AHNAK: variants seen among roughly 807,000 people sequenced by gnomAD.
AHNAK encodes the protein neuroblast differentiation-associated protein AHNAK.
In AHNAK, 23 loss-of-function variants were observed where a neutral mutation model predicts 37.8. That is an observed-to-expected ratio of 0.61 (90% CI 0.44 to 0.86). The LOEUF (loss-of-function observed/expected upper bound fraction) is 0.86, where lower values mean the gene tolerates loss of function less well. Ranked by LOEUF, AHNAK falls within the 40% of genes least tolerant of loss-of-function variation. The probability of loss-of-function intolerance (pLI) is 0.00; values close to 1 mark genes in which losing one functional copy is unlikely to be tolerated. For missense variants in AHNAK, 7,411 were observed against 7,319.4 expected, an observed-to-expected ratio of 1.01 and a Z score of -0.46; for synonymous variants, 2,481 against 2,636.3, an observed-to-expected ratio of 0.94 and a Z score of 1.80.
In AHNAK at chr11:62,519,607, A is replaced by G; in HGVS notation, c.14810T>C (p.Leu4937Ser). The change falls in exon 5 of 5, where the codon TTA becomes TCA. Residue 4937 changes from leucine to serine, a missense_variant. By Grantham distance (145) the Leu-to-Ser change is moderately radical. Transcript: ENST00000378024. ...CTTGAGGTCCACTTCACCACCTTCT[A>G]ACTTCGGACCTGAAAATCCAATTTT... ...APKIGFSGPK[L>S]EGGEVDLKGP... is the part of the protein sequence containing the mutation. 2 of 1,613,716 alleles carry G rather than the reference A, an allele frequency of 1.2e-6. No individual in the cohort carries two copies. The highest frequency in any genetic ancestry group is 1.7e-6 in the Non-Finnish European group (2 of 1,179,884).
chr11:62,469,810 A>C (rs1938993605), intron 5 of AHNAK, among the ~76,000 whole-genome samples: 1 of 152,190 alleles, frequency 6.6e-6, no homozygotes, highest in Non-Finnish European at 1.5e-5. Context: ...GCAATAGGTA[A>C]TTCCACCAGG....
rs1168587867 is a variant in AHNAK, at chr11:62,528,917, G to A, written c.5500C>T (p.Pro1834Ser). ...TTGGGCCCTTTCAACTTTGCATCAG[G>A]ACACTCCAGATCAACATCGGGCACC... ...AEVPDVDLEC[P>S]DAKLKGPKFK... is the part of the protein sequence containing the mutation. Residue 1834 changes from proline to serine, a missense_variant, in exon 5 of 5, where the codon CCT becomes TCT. Pro to Ser is a moderately conservative substitution (Grantham distance 74). Transcript: ENST00000378024. 6 of 1,614,002 alleles carry A rather than the reference G, an allele frequency of 3.7e-6. No homozygotes were observed. Among genetic ancestry groups the A allele is most frequent in the Non-Finnish European group, 5.1e-6 (6 of 1,180,034 alleles).
At chr11:62,485,628 G>T (rs1438547831) in intron 5 of AHNAK, among the ~76,000 whole-genome samples, 2 of 150,840 alleles carry the variant, frequency 1.3e-5, no homozygotes, top group Non-Finnish European at 2.9e-5. Context: ...CTCAAACCTG[G>T]GAGGCAGAGG....
At chr11:62,470,274 T>TC (rs1174193661) in intron 5 of AHNAK, among the ~76,000 whole-genome samples, 1 of 152,148 alleles carries the variant, frequency 6.6e-6, no homozygotes, top group African/African-American at 2.4e-5. Flanking sequence ...GGTGAAACTC[T>TC]GTCTCTACTA....
At position 62,521,669 on chromosome 11, in the gene AHNAK, T is replaced by C. The variant is rs777401385; in HGVS notation, c.12748A>G (p.Met4250Val). ...GAGATCTTGGGGGCTTTGATGTTCA[T>C]CTCAGGCATCTTGAATTTAGGGCCC... ...LKGPKFKMPE[M>V]NIKAPKISMP... Residue 4250 changes from methionine to valine, a missense_variant, in exon 5 of 5, where the codon ATG becomes GTG. Met to Val is a conservative substitution (Grantham distance 21). Transcript: ENST00000378024. 1.5e-5 allele frequency: 25 copies of C among 1,613,774 alleles called. No homozygotes were observed. The Admixed American group carries it at 1.8e-4, about 12-fold the overall frequency.
At position 62,530,175 on chromosome 11, in the gene AHNAK, T is replaced by C; in HGVS notation, c.4242A>G (p.Ser1414=). Residue 1414 remains serine (S), a synonymous_variant, in exon 5 of 5, where the codon TCA becomes TCG. Transcript: ENST00000378024. ...GAACTTCAGCATCCATTTTGGGTCC[T>C]GAGACATCAACGTCAGCTTTGGGCA... ...VKLPKADVDV[S]GPKMDAEVPD... is the part of the protein sequence containing the mutation. The C allele has an allele frequency of 6.2e-7, 1 of 1,613,722 alleles. No individual in the cohort carries two copies. Among genetic ancestry groups the C allele is most frequent in the Non-Finnish European group, 8.5e-7 (1 of 1,179,942 alleles).
Position 62,532,366 on chromosome 11 carries a change from T to C in AHNAK, c.2051A>G (p.Asp684Gly). Residue 684 changes from aspartate (D) to glycine (G), a missense_variant, in exon 5 of 5, where the codon GAT becomes GGT. Asp to Gly is a moderately conservative substitution (Grantham distance 94). Transcript: ENST00000378024. ...EGLGGKLKGP[D>G]VKLPDMSVKT... ...GACACTCATATCAGGCAGCTTAACA[T>C]CGGGGCCTTTAAGTTTTCCCCCCAG... The C allele has an allele frequency of 6.2e-7, 1 of 1,614,162 alleles. No homozygotes were observed. The highest frequency in any genetic ancestry group is 8.5e-7 in the Non-Finnish European group (1 of 1,180,024).
intron 1 of AHNAK, among the ~76,000 whole-genome samples, chr11:62,538,940 C>T (rs1337979945): frequency 1.3e-5 from 2 of 152,222 alleles, no homozygotes; most frequent in East Asian, 1.9e-4. Context: ...GATCACAACA[C>T]GGATGAAAGA....
intron 5 of AHNAK, among the ~76,000 whole-genome samples, chr11:62,476,513 G>A (rs569352864): frequency 6.6e-6 from 1 of 152,268 alleles, no homozygotes; most frequent in African/African-American, 2.4e-5. Context: ...AAACCTACAC[G>A]AGAAGTTCCC....
intron 5 of AHNAK, among the ~76,000 whole-genome samples, chr11:62,484,293 G>A (rs1939344371): frequency 6.6e-6 from 1 of 152,102 alleles, no homozygotes; most frequent in Admixed American, 6.6e-5. Context: ...GGCTGAGGCA[G>A]GAGGATCACT....
In AHNAK at chr11:62,535,362, G is replaced by C. The variant is rs374657172; in HGVS notation, c.155-172C>G. ...AACTGAGGCTTAGAAAGGCCAATTT[G>C]TGGGGGCCAGGTGCAGTGGCTCACA... On this transcript the variant is annotated intron_variant, in intron 3 of 4. Coordinates refer to ENST00000378024, the MANE Select transcript of AHNAK (RefSeq NM_001620.3). Among the ~76,000 whole-genome samples the C allele has an allele frequency of 2.3e-4, 35 of 152,248 alleles. 1 individual carries two copies. In the East Asian group the frequency reaches 5.6e-3, roughly 24 times the overall value.
chr11:62,517,742 T>C lies in AHNAK; in HGVS notation c.16675A>G (p.Ile5559Val). 6.2e-7 allele frequency: 1 copy of C among 1,614,200 alleles called. No homozygotes were observed. The change falls in exon 5 of 5, where the codon ATC (isoleucine) becomes GTC (valine). Residue 5559 changes from isoleucine (I) to valine (V), a missense_variant. Transcript: ENST00000378024. Reference protein sequence around the residue: ...NMASPESDFGINLKGPKIKGG... With the variant: ...NMASPESDFGVNLKGPKIKGG... The stretch of plus-strand genomic sequence containing the variant: ...TTGATTTTTGGGCCCTTCAAGTTGA[T>C]GCCAAAATCTGACTCAGGAGATGCC...
intron 5 of AHNAK, among the ~76,000 whole-genome samples, chr11:62,448,011 A>G (rs1416431559): frequency 6.6e-6 from 1 of 151,968 alleles, no homozygotes; most frequent in Non-Finnish European, 1.5e-5. Flanking sequence ...CTGAGAGGGG[A>G]CATTTAGCTT....
At chr11:62,501,252 A>G (rs1007671119) in intron 4 of AHNAK, among the ~76,000 whole-genome samples, 6 of 151,968 alleles carry the variant, frequency 3.9e-5, no homozygotes, top group African/African-American at 1.4e-4. Context: ...TCCAGTCTCA[A>G]TGCCTCAAAT....
In AHNAK at chr11:62,531,023, G is replaced by C; in HGVS notation, c.3394C>G (p.Pro1132Ala). 6.2e-7 allele frequency: 1 copy of C among 1,614,026 alleles called. No individual in the cohort carries two copies. The highest frequency in any genetic ancestry group is 8.5e-7 in the Non-Finnish European group (1 of 1,179,990). Residue 1132 changes from proline to alanine, a missense_variant, in exon 5 of 5, where the codon CCC becomes GCC. Transcript: ENST00000378024. ...WSLKIPKMKM[P>A]KFSMPSLKGE... Reference sequence around the variant, plus strand: ...TTGAGGCTGGGCATGCTGAACTTGGGCATTTTCATCTTGGGTATTTTCAGG... The same window carrying C: ...TTGAGGCTGGGCATGCTGAACTTGGCCATTTTCATCTTGGGTATTTTCAGG...
Position 62,523,796 on chromosome 11 carries a change from G to A in AHNAK, c.10621C>T (p.Pro3541Ser), listed in dbSNP as rs1163086655. ...FKMPDMNIKA[P>S]KISMPDIDLN... is the part of the protein sequence containing the mutation. Reference sequence around the variant, plus strand: ...TCAATGTCAGGCATGGAGATCTTGGGAGCTTTGATATTCATGTCAGGCATC... The same window carrying A: ...TCAATGTCAGGCATGGAGATCTTGGAAGCTTTGATATTCATGTCAGGCATC... The change falls in exon 5 of 5, where the codon CCC becomes TCC. Residue 3541 changes from proline to serine, a missense_variant. Physicochemically the swap from Pro to Ser is moderately conservative, Grantham distance 74 (BLOSUM62 -1). Transcript: ENST00000378024. The A allele has an allele frequency of 1.9e-6, 3 of 1,614,126 alleles. No homozygotes were observed. Among genetic ancestry groups the A allele is most frequent in the Non-Finnish European group, 2.5e-6 (3 of 1,180,032 alleles).
chr11:62,468,847 C>A (rs1439302381), intron 5 of AHNAK, among the ~76,000 whole-genome samples: 3 of 152,336 alleles, frequency 2.0e-5, no homozygotes, highest in Non-Finnish European at 4.4e-5. Context: ...GACGACCCAT[C>A]TGCTTTTTGT....
rs1200513496 is a variant in AHNAK, at chr11:62,522,175, T to C, written c.12242A>G (p.Asp4081Gly). 6.2e-7 allele frequency: 1 copy of C among 1,613,808 alleles called. No individual in the cohort carries two copies. Among genetic ancestry groups the C allele is most frequent in the Non-Finnish European group, 8.5e-7 (1 of 1,179,968 alleles). Residue 4081 changes from aspartate (D) to glycine (G), a missense_variant, in exon 5 of 5, where the codon GAT (aspartate) becomes GGT (glycine). Physicochemically the swap from Asp to Gly is moderately conservative, Grantham distance 94. Coordinates refer to ENST00000378024, the MANE Select transcript of AHNAK (RefSeq NM_001620.3). ...AATGTCAGCTTTGGGCAAATTAACA[T>C]CCACTTCTGGGCCCTCTCCTTTAAA... Reference protein sequence around the residue: ...PGFKGEGPEVDVNLPKADIDV... With the variant: ...PGFKGEGPEVGVNLPKADIDV...
chr11:62,527,040 A>G lies in AHNAK; in HGVS notation c.7377T>C (p.Asp2459=), dbSNP rs75858820. Reference sequence around the variant, plus strand: ...TGATTTTGGGTCCTTTGAGATTTAGATCAACATCAGGCATAGAAATATTGG... The same window carrying G: ...TGATTTTGGGTCCTTTGAGATTTAGGTCAACATCAGGCATAGAAATATTGG... ...KAPNISMPDV[D]LNLKGPKIKG... is the part of the protein sequence containing the mutation. Residue 2459 remains aspartate, a synonymous_variant, in exon 5 of 5, where the codon GAT becomes GAC. Transcript: ENST00000378024. 1.9e-3 allele frequency: 3,052 copies of G among 1,614,026 alleles called. 57 individuals carry two copies. The African/African-American group carries it at 0.036, about 19-fold the overall frequency.
Sources: gnomAD v4.1 joint callset for allele counts (sites outside exome capture counted in the v4.1 genomes callset) on GRCh38, gnomAD v4.1.1 for gene constraint, MANE v1.5 for transcripts, NCBI Gene and HGNC (gene_info 2026-07-23, HGNC 2026-07-21) for gene names.